TMF1: variants seen among roughly 807,000 people sequenced by gnomAD.
TMF1 encodes the protein TATA element modulatory factor.
A neutral mutation model predicts 126.5 loss-of-function variants in TMF1; 71 were observed. That is an observed-to-expected ratio of 0.56 (90% CI 0.46 to 0.68). The LOEUF is 0.68. Among genes scored for constraint, TMF1 ranks in the 30% least tolerant of loss-of-function variants. TMF1 has a pLI of 0.00. For synonymous variants in TMF1, 461 were observed against 430.5 expected, an observed-to-expected ratio of 1.07 and a Z score of -0.88; for missense variants, 1,259 against 1,253.2, an observed-to-expected ratio of 1.00 and a Z score of -0.07.
intron 5 of TMF1, chr3:69,042,425 G>GA: frequency 2.2e-6 from 1 of 459,002 alleles, no homozygotes; most frequent in Non-Finnish European, 4.4e-6. Context: ...TCAAATGTCA[G>GA]AAAAAGACAA....
intron 9 of TMF1, among the ~76,000 whole-genome samples, chr3:69,034,303 T>C (rs1306033920): frequency 6.6e-6 from 1 of 151,894 alleles, no homozygotes; most frequent in African/African-American, 2.4e-5. Flanking sequence ...TGAAACCTCA[T>C]CTCTACTAAA....
intron 1 of TMF1, 129 bp downstream of exon 1, chr3:69,051,816 G>C (rs1477706331): frequency 8.7e-7 from 1 of 1,146,894 alleles, no homozygotes; most frequent in South Asian, 1.6e-5. Context: ...TTAGGGAACG[G>C]GCCGGGGAGA....
intron 8 of TMF1, among the ~76,000 whole-genome samples, chr3:69,038,046 A>C (rs1297635923): frequency 6.6e-6 from 1 of 152,224 alleles, no homozygotes; most frequent in South Asian, 2.1e-4. Context: ...CTAAGGATAT[A>C]TATCTAGGAG....
intron 5 of TMF1, among the ~76,000 whole-genome samples, chr3:69,041,009 A>G (rs909417162): frequency 2.0e-5 from 3 of 152,078 alleles, no homozygotes; most frequent in South Asian, 4.1e-4. Flanking sequence ...AATATAAAAT[A>G]CTCCCATGTG....
chr3:69,044,500 G>A lies in TMF1; in HGVS notation c.1443C>T (p.Asn481=), dbSNP rs2091884559. 1 of 1,574,948 alleles carries A rather than the reference G, an allele frequency of 6.3e-7. No individual in the cohort carries two copies. The highest frequency in any genetic ancestry group is 8.7e-7 in the Non-Finnish European group (1 of 1,155,794). ...ATTTGCAGAATACTTACTCTTTCAGGTTATCAAAAGCTTCTTCTAGAAGTG... is the reference window on the plus strand; with the variant it reads ...ATTTGCAGAATACTTACTCTTTCAGATTATCAAAAGCTTCTTCTAGAAGTG... ...EKALLEEAFD[N]LKDEMFRVKE... The change falls in exon 3 of 17, where the codon AAC becomes AAT. Residue 481 remains asparagine (N), a synonymous_variant. Transcript: ENST00000398559.
intron 6 of TMF1, among the ~76,000 whole-genome samples, chr3:69,039,230 T>C (rs562671321): frequency 6.6e-6 from 1 of 152,270 alleles, no homozygotes; most frequent in Admixed American, 6.5e-5. Context: ...GGACTACAGA[T>C]GTGCACCACC....
Position 69,022,696 on chromosome 3 carries a change from C to A in TMF1, c.*481G>T, listed in dbSNP as rs2091746138. 1 of 152,370 alleles carries A rather than the reference C, an allele frequency of 6.6e-6. No individual in the cohort carries two copies. The highest frequency in any genetic ancestry group is 6.5e-5 in the Admixed American group (1 of 15,274). The allele number at this position is 152,370 out of a possible 1,614,324, so 9.4% of individuals were successfully genotyped here. A position where few individuals can be genotyped will look rare whatever the true frequency, so the allele number is the denominator to read the frequency against. On this transcript the variant is annotated 3_prime_UTR_variant, in exon 17 of 17. Transcript: ENST00000398559. ...CAGATTTAATAATTTTTTACTTTAA[C>A]ACTTAATGTACATTTTCATGAGCAG...
intron 8 of TMF1, among the ~76,000 whole-genome samples, chr3:69,037,189 T>C (rs1248589898): frequency 6.6e-6 from 1 of 152,202 alleles, no homozygotes; most frequent in Admixed American, 6.5e-5. Context: ...TCCAACATCA[T>C]TAGTCATTAA....
At chr3:69,047,220 A>G in intron 2 of TMF1, 138 bp downstream of exon 2, 2 of 1,002,442 alleles carry the variant, frequency 2.0e-6, no homozygotes, top group Non-Finnish European at 1.4e-6. Flanking sequence ...AAGGTACTTA[A>G]TGCTACACAG....
At chr3:69,051,172 T>C (rs2091925973) in intron 1 of TMF1, among the ~76,000 whole-genome samples, 1 of 152,096 alleles carries the variant, frequency 6.6e-6, no homozygotes, top group African/African-American at 2.4e-5. Flanking sequence ...TGGGAGTTGT[T>C]CTGAAGATGA....
Position 69,044,517 on chromosome 3 carries a change from C to G in TMF1, c.1426G>C (p.Glu476Gln). ...TCTTTCAGGTTATCAAAAGCTTCTT[C>G]TAGAAGTGCTTTTTCCTTACTAAGA... is the stretch of plus-strand genomic sequence containing the variant. Reference protein sequence around the residue: ...LSLSKEKALLEEAFDNLKDEM... With the variant: ...LSLSKEKALLQEAFDNLKDEM... The change falls in exon 3 of 17, where the codon GAA becomes CAA. Residue 476 changes from glutamate (E) to glutamine (Q), a missense_variant. By Grantham distance (29) the Glu-to-Gln change is conservative. Coordinates refer to ENST00000398559, the MANE Select transcript of TMF1 (RefSeq NM_007114.3). The G allele has an allele frequency of 6.3e-7, 1 of 1,596,606 alleles. No homozygotes were observed.
At chr3:69,031,445 T>C (rs2091802182) in intron 10 of TMF1, among the ~76,000 whole-genome samples, 1 of 151,990 alleles carries the variant, frequency 6.6e-6, no homozygotes. Context: ...CATACACAAA[T>C]GAGTACCAAT....
intron 10 of TMF1, among the ~76,000 whole-genome samples, chr3:69,031,000 G>A (rs773958491): frequency 3.9e-5 from 6 of 152,152 alleles, no homozygotes; most frequent in African/African-American, 1.2e-4. Flanking sequence ...CAGCCTGGAC[G>A]TCCCTTGTGC....
At chr3:69,042,249 G>T (rs2091870202) in intron 5 of TMF1, 1 of 432,458 alleles carries the variant, frequency 2.3e-6, no homozygotes, top group African/African-American at 2.1e-5. Context: ...TGTTGGCCAG[G>T]CTTGTCTCGA....
intron 8 of TMF1, among the ~76,000 whole-genome samples, chr3:69,036,144 A>T (rs2091830144): frequency 6.6e-6 from 1 of 152,196 alleles, no homozygotes; most frequent in South Asian, 2.1e-4. Flanking sequence ...AACTGTAAAG[A>T]GATATTTTTT....
rs2091763113 is a variant in TMF1 at position 69,025,555 on chromosome 3, A to T, written c.3012+5T>A. On this transcript the variant is annotated splice_donor_5th_base_variant and intron_variant, in intron 15 of 16. Coordinates refer to ENST00000398559, the MANE Select transcript of TMF1 (RefSeq NM_007114.3). ...CTTCTATAGCAAATTTAATTTTTCC[A>T]ATACCTGTAAATGAGTGATTTCCCC... 4 of 1,604,246 alleles carry T rather than the reference A, an allele frequency of 2.5e-6. No individual in the cohort carries two copies. The highest frequency in any genetic ancestry group is 3.4e-6 in the Non-Finnish European group (4 of 1,176,474).
chr3:69,044,872 G>A (rs2091886956), intron 2 of TMF1, among the ~76,000 whole-genome samples: 1 of 152,162 alleles, frequency 6.6e-6, no homozygotes, highest in African/African-American at 2.4e-5. Flanking sequence ...CATACTCTTT[G>A]ATATAGAAAA....
At chr3:69,039,119 C>G in intron 6 of TMF1, 110 bp from the exon 7 acceptor site, 1 of 955,900 alleles carries the variant, frequency 1.0e-6, no homozygotes, top group South Asian at 2.4e-5. Flanking sequence ...TTTTTTGAGA[C>G]AAAGTCTCGC....
chr3:69,039,500 A>G, intron 6 of TMF1, 51 bp downstream of exon 6: 1 of 1,567,694 alleles, frequency 6.4e-7, no homozygotes, highest in Non-Finnish European at 8.6e-7. Context: ...CCAACTGTTC[A>G]TACAGGAAGT....
Sources: allele counts gnomAD v4.1 joint callset (sites outside exome capture counted in the v4.1 genomes callset), GRCh38; gene constraint gnomAD v4.1.1; transcripts MANE v1.5; gene names NCBI Gene and HGNC (gene_info 2026-07-23, HGNC 2026-07-21).